Variants in CAMKMT observed in about 807,000 individuals in gnomAD.
CAMKMT encodes the protein CaM KMT.
Under a neutral mutation model 48.0 loss-of-function variants are expected in CAMKMT, and 53 were observed. The observed-to-expected ratio is 1.10, with a 90% CI of 0.89 to 1.39. The LOEUF is 1.39. Among genes scored for constraint, CAMKMT ranks in the 40% most tolerant of loss-of-function variants. CAMKMT has a pLI of 0.00. For synonymous variants in CAMKMT, 165 were observed against 152.3 expected (o/e 1.08, Z -0.61); for missense variants, 428 against 402.7 (o/e 1.06, Z -0.54).
At chr2:44,757,202 G>A (rs771920474) in intron 9 of CAMKMT, among the ~76,000 whole-genome samples, 1 of 152,196 alleles carries the variant, frequency 6.6e-6, no homozygotes, top group African/African-American at 2.4e-5. Flanking sequence ...GGGGGATGCT[G>A]GCTTGGCTGA....
At chr2:44,391,864 C>G (rs1558569841) in intron 3 of CAMKMT, 1 of 152,836 alleles carries the variant, frequency 6.5e-6, no homozygotes, top group Non-Finnish European at 1.5e-5. Context: ...TGTTTTTTCA[C>G]TGTTGTCTCT....
rs550222601 is a variant in CAMKMT at position 44,579,574 on chromosome 2, C to G, written c.377-124709C>G. ...CATTTAACAGCAACCTCTGAGCATG[C>G]TGAAAATCTCACTCGCATTACTGCC... On this transcript the variant is annotated intron_variant, in intron 3 of 10. Transcript: ENST00000378494. Among the ~76,000 whole-genome samples the G allele has an allele frequency of 1.4e-4, 21 of 152,338 alleles. No homozygotes were observed. The South Asian group carries it at 2.5e-3, about 18-fold the overall frequency.
chr2:44,750,181 C>T (rs1237203565), intron 8 of CAMKMT, among the ~76,000 whole-genome samples: 1 of 151,724 alleles, frequency 6.6e-6, no homozygotes, highest in Non-Finnish European at 1.5e-5. Context: ...GACAAAGTCT[C>T]ACTCTGTCAC....
chr2:44,715,178 G>T, intron 6 of CAMKMT, 109 bp from the exon 7 acceptor site: 2 of 676,010 alleles, frequency 3.0e-6, no homozygotes, highest in Non-Finnish European at 2.4e-6. Flanking sequence ...GGGCAACAGA[G>T]CGAGACCCTG....
intron 3 of CAMKMT, among the ~76,000 whole-genome samples, chr2:44,525,788 A>T (rs1238434971): frequency 1.3e-5 from 2 of 152,104 alleles, no homozygotes; most frequent in Non-Finnish European, 2.9e-5. Context: ...TAAGATTCAA[A>T]TCTGGATCTA....
At chr2:44,682,069 G>A (rs1309461720) in intron 3 of CAMKMT, among the ~76,000 whole-genome samples, 3 of 152,074 alleles carry the variant, frequency 2.0e-5, no homozygotes, top group Admixed American at 2.0e-4. Flanking sequence ...TCCAAAGATG[G>A]GGTCGATGTG....
chr2:44,753,951 A>T, intron 8 of CAMKMT, 104 bp from the exon 9 acceptor site: 1 of 769,784 alleles, frequency 1.3e-6, no homozygotes, highest in Non-Finnish European at 2.2e-6. Context: ...TCTCTTTTTT[A>T]GCGTTGGGTA....
intron 3 of CAMKMT, among the ~76,000 whole-genome samples, chr2:44,597,074 G>C (rs920826246): frequency 1.3e-5 from 2 of 152,204 alleles, no homozygotes; most frequent in African/African-American, 4.8e-5. Context: ...ATTATGCAGT[G>C]TAGTTTCAAG....
intron 3 of CAMKMT, among the ~76,000 whole-genome samples, chr2:44,438,965 C>T (rs56176344): frequency 0.061 from 9,279 of 152,124 alleles, 852 homozygotes; most frequent in African/African-American, 0.2. Context: ...TTTTGGTAAC[C>T]GCATAGTGTC....
chr2:44,539,336 T>C (rs887016999), intron 3 of CAMKMT, among the ~76,000 whole-genome samples: 3 of 151,996 alleles, frequency 2.0e-5, no homozygotes, highest in African/African-American at 7.2e-5. Context: ...TTATATCTTT[T>C]AAATCTATTT....
intron 5 of CAMKMT, 80 bp downstream of exon 5, chr2:44,706,421 C>G: frequency 7.2e-7 from 1 of 1,386,630 alleles, no homozygotes; most frequent in Non-Finnish European, 1.0e-6. Context: ...ACTGCTGGGT[C>G]AGAGAACCGT....
At chr2:44,697,195 T>C (rs903352704) in intron 3 of CAMKMT, among the ~76,000 whole-genome samples, 2 of 152,120 alleles carry the variant, frequency 1.3e-5, no homozygotes, top group African/African-American at 4.8e-5. Context: ...CACTGAATCA[T>C]GCAAGTTCTT....
intron 3 of CAMKMT, among the ~76,000 whole-genome samples, chr2:44,464,372 C>T (rs1461181684): frequency 6.6e-6 from 1 of 152,144 alleles, no homozygotes; most frequent in African/African-American, 2.4e-5. Flanking sequence ...CCAATATATA[C>T]ATTATGGGAG....
At chr2:44,466,449 G>A (rs1265185879) in intron 3 of CAMKMT, among the ~76,000 whole-genome samples, 2 of 152,090 alleles carry the variant, frequency 1.3e-5, no homozygotes, top group Non-Finnish European at 2.9e-5. Context: ...AAAATCACCA[G>A]AGAAATTAGA....
intron 3 of CAMKMT, among the ~76,000 whole-genome samples, chr2:44,511,429 C>T (rs1670546036): frequency 6.6e-6 from 1 of 152,160 alleles, no homozygotes; most frequent in South Asian, 2.1e-4. Flanking sequence ...GCTGGGACTA[C>T]AGGTGTGCAC....
At chr2:44,420,685 A>G (rs574779947) in intron 3 of CAMKMT, among the ~76,000 whole-genome samples, 1 of 152,148 alleles carries the variant, frequency 6.6e-6, no homozygotes, top group Non-Finnish European at 1.5e-5. Context: ...ACTAAACCCT[A>G]GAAGATAGTG....
intron 7 of CAMKMT, among the ~76,000 whole-genome samples, chr2:44,737,432 T>G (rs1679414440): frequency 6.6e-6 from 1 of 152,190 alleles, no homozygotes; most frequent in African/African-American, 2.4e-5. Flanking sequence ...TGAAATAGTT[T>G]GATATGTTTG....
chr2:44,529,898 A>G (rs55878723), intron 3 of CAMKMT, among the ~76,000 whole-genome samples: 1,702 of 152,330 alleles, frequency 0.011, 24 homozygotes, highest in African/African-American at 0.038. Flanking sequence ...TAGAAATTAA[A>G]TGGGTTTCAA....
chr2:44,485,122 C>G (rs1669154399), intron 3 of CAMKMT, among the ~76,000 whole-genome samples: 2 of 152,072 alleles, frequency 1.3e-5, no homozygotes, highest in Non-Finnish European at 2.9e-5. Context: ...AATGGAAAAA[C>G]CATTTTGGAA....
Sources: gnomAD v4.1 joint callset for allele counts (sites outside exome capture counted in the v4.1 genomes callset) on GRCh38, gnomAD v4.1.1 for gene constraint, MANE v1.5 for transcripts, NCBI Gene and HGNC (gene_info 2026-07-23, HGNC 2026-07-21) for gene names.